Variants in ZNF469 observed in about 807,000 individuals in gnomAD.
The protein encoded by ZNF469 is zinc finger protein 469.
In ZNF469, 1 loss-of-function variant was observed where a neutral mutation model predicts 1.0. The ratio of observed to expected loss-of-function variants is 1.00; its 90% confidence interval spans 0.35 to 4.73. The LOEUF is 4.73. Among genes scored for constraint, ZNF469 ranks in the 30% most tolerant of loss-of-function variants. The probability of loss-of-function intolerance (pLI) is 0.16; values close to 1 mark genes in which losing one functional copy is unlikely to be tolerated. For missense variants in ZNF469, 6,100 were observed against 5,356.3 expected (o/e 1.14, Z -4.33); for synonymous variants, 2,703 against 2,363.4 (o/e 1.14, Z -4.17).
In ZNF469 at chr16:88,394,606, C is replaced by A. The variant is rs1904602145; in HGVS notation, c.-192+11352C>A. Among the ~76,000 whole-genome samples, 3 of 152,202 alleles carry A rather than the reference C, an allele frequency of 2.0e-5. No homozygotes were observed. In the South Asian group the frequency reaches 6.2e-4, roughly 31 times the overall value. The stretch of plus-strand genomic sequence containing the variant: ...TGTGAGGTGGGGCTGACACTCCCGG[C>A]CCCTCCCCAGGCCAGGCCTGGCATC... On this transcript the variant is annotated intron_variant, in intron 1 of 2. Coordinates refer to ENST00000565624, the MANE Select transcript of ZNF469 (RefSeq NM_001367624.2).
At chr16:88,208,268 A>C in the ZNF469 span, among the ~76,000 whole-genome samples, 1 of 151,770 alleles carries the variant, frequency 6.6e-6, no homozygotes, top group Non-Finnish European at 1.5e-5. Flanking sequence ...TCTCAAGCTC[A>C]TCTGCGCTTT....
chr16:88,430,634 T>G lies in ZNF469; in HGVS notation c.3164T>G (p.Val1055Gly). The G allele has an allele frequency of 6.7e-7, 1 of 1,498,376 alleles. No homozygotes were observed. Among genetic ancestry groups the G allele is most frequent in the Non-Finnish European group, 8.9e-7 (1 of 1,129,368 alleles). 92.8% of individuals were successfully genotyped at this position (1,498,376 alleles called of 1,614,324 possible). ...AWGKELILKIVQQKNRRHRRL... is the reference protein window; with the variant it reads ...AWGKELILKIGQQKNRRHRRL... ...GGCAAGGAGCTCATTCTGAAGATCG[T>G]GCAGCAGAAGAACAGGCGCCACCGG... Residue 1055 changes from valine (V) to glycine (G), a missense_variant, in exon 3 of 3, where the codon GTG becomes GGG. By Grantham distance (109) the Val-to-Gly change is moderately radical (BLOSUM62 -3). Coordinates refer to ENST00000565624, the MANE Select transcript of ZNF469 (RefSeq NM_001367624.2).
the ZNF469 span, among the ~76,000 whole-genome samples, chr16:88,147,534 G>A: frequency 6.6e-6 from 1 of 152,046 alleles, no homozygotes; most frequent in Non-Finnish European, 1.5e-5. Context: ...TCTGGTCGGT[G>A]CTGGGAGGAG....
At chr16:88,267,928 C>T in the ZNF469 span, among the ~76,000 whole-genome samples, 278 of 145,026 alleles carry the variant, frequency 1.9e-3, no homozygotes, top group African/African-American at 6.5e-3. Context: ...CTTTCCAAAG[C>T]GGCTGAGCCA....
At chr16:88,348,919 C>T in the ZNF469 span, among the ~76,000 whole-genome samples, 1 of 152,172 alleles carries the variant, frequency 6.6e-6, no homozygotes, top group African/African-American at 2.4e-5. Context: ...TGCACACAGC[C>T]GCTCTCCCGG....
At chr16:88,156,504 T>C in the ZNF469 span, among the ~76,000 whole-genome samples, 26 of 152,368 alleles carry the variant, frequency 1.7e-4, no homozygotes, top group East Asian at 5.0e-3. Flanking sequence ...CTTCATCAAA[T>C]AGTCTTGATG....
At chr16:88,305,567 C>G in the ZNF469 span, among the ~76,000 whole-genome samples, 23 of 150,344 alleles carry the variant, frequency 1.5e-4, no homozygotes, top group Non-Finnish European at 3.3e-4. Flanking sequence ...CTCACACGTG[C>G]ACACACGCTC....
intron 1 of ZNF469, among the ~76,000 whole-genome samples, chr16:88,388,758 G>A (rs145353831): frequency 0.022 from 3,361 of 152,102 alleles, 51 homozygotes; most frequent in South Asian, 0.034. Flanking sequence ...TGTAGAAGCC[G>A]GAGAGCCTGG....
chr16:88,103,015 G>A, the ZNF469 span, among the ~76,000 whole-genome samples: 4 of 152,372 alleles, frequency 2.6e-5, no homozygotes, highest in African/African-American at 4.8e-5. Flanking sequence ...TTTTGTTCTC[G>A]TGTTTTACGT....
rs150543090 is a variant in ZNF469 at position 88,432,776 on chromosome 16, C to T, written c.5306C>T (p.Pro1769Leu). ...QESEDSLRLL[P>L]CEQRGGFLPE... ...AGTGAAGACTCCCTGCGGCTGCTTC[C>T]CTGTGAACAGAGAGGAGGGTTCCTC... is the stretch of plus-strand genomic sequence containing the variant. Residue 1769 changes from proline to leucine, a missense_variant, in exon 3 of 3, where the codon CCC becomes CTC. Physicochemically the swap from Pro to Leu is moderately conservative, Grantham distance 98. Transcript: ENST00000565624. 1.5e-4 allele frequency: 228 copies of T among 1,550,422 alleles called. No individual in the cohort carries two copies. The East Asian group carries it at 5.4e-3, about 37-fold the overall frequency.
At chr16:88,403,644 G>A (rs1281620059) in intron 1 of ZNF469, among the ~76,000 whole-genome samples, 5 of 152,342 alleles carry the variant, frequency 3.3e-5, no homozygotes, top group East Asian at 1.9e-4. Flanking sequence ...TCCTGCCCTC[G>A]GCCCCCACAG....
chr16:88,438,412 A>AAG lies in ZNF469; in HGVS notation c.10943_10944dup (p.Glu3649ArgfsTer72), dbSNP rs1288227068. 6.5e-7 allele frequency: 1 copy of AAG among 1,549,962 alleles called. No homozygotes were observed. Among genetic ancestry groups the AAG allele is most frequent in the Non-Finnish European group, 8.7e-7 (1 of 1,146,840 alleles). ...GGAAGACCACCTACTTCAGAAAGAG[A>AAG]AGGAGGTGTCCTCAAGCCACATGGT... On this transcript the variant is annotated frameshift_variant, in exon 3 of 3. Transcript: ENST00000565624. LOFTEE classifies it low-confidence loss of function (END_TRUNC).
At chr16:88,349,491 A>G in the ZNF469 span, among the ~76,000 whole-genome samples, 1 of 148,650 alleles carries the variant, frequency 6.7e-6, no homozygotes, top group East Asian at 2.0e-4. Context: ...CACACCATAC[A>G]CAAGTACACA....
chr16:88,284,300 G>A, the ZNF469 span, among the ~76,000 whole-genome samples: 2 of 152,138 alleles, frequency 1.3e-5, no homozygotes, highest in Non-Finnish European at 2.9e-5. Flanking sequence ...AAAAATGGAC[G>A]CCAGGCTGGG....
At chr16:88,248,340 G>C in the ZNF469 span, among the ~76,000 whole-genome samples, 1 of 152,224 alleles carries the variant, frequency 6.6e-6, no homozygotes, top group Non-Finnish European at 1.5e-5. Context: ...CCGTGTCTTT[G>C]ATAAAAGCTG....
the ZNF469 span, among the ~76,000 whole-genome samples, chr16:88,170,837 C>T: frequency 7.9e-5 from 12 of 152,252 alleles, no homozygotes; most frequent in South Asian, 1.0e-3. The surrounding 1 kb of genome is among the most constrained non-coding windows in gnomAD (Gnocchi z 4.2). Context: ...GAGGAACCTG[C>T]ATACTTTCCT....
the ZNF469 span, among the ~76,000 whole-genome samples, chr16:88,344,361 G>A: frequency 2.0e-5 from 3 of 152,152 alleles, no homozygotes; most frequent in Admixed American, 6.5e-5. Flanking sequence ...AGATGTTAAC[G>A]GCAGGGGACC....
At chr16:88,157,285 G>A in the ZNF469 span, among the ~76,000 whole-genome samples, 1 of 152,148 alleles carries the variant, frequency 6.6e-6, no homozygotes, top group East Asian at 1.9e-4. Flanking sequence ...GGTGCCTGAT[G>A]GACTCAGTGG....
At chr16:88,307,023 T>A in the ZNF469 span, among the ~76,000 whole-genome samples, 2 of 152,152 alleles carry the variant, frequency 1.3e-5, no homozygotes, top group Non-Finnish European at 2.9e-5. Flanking sequence ...TCTACCCCGG[T>A]CCCTGGCAAC....
Sources: allele counts gnomAD v4.1 joint callset (sites outside exome capture counted in the v4.1 genomes callset), GRCh38; gene constraint gnomAD v4.1.1; non-coding constraint Gnocchi (gnomAD v3.1); transcripts MANE v1.5; gene names NCBI Gene and HGNC (gene_info 2026-07-23, HGNC 2026-07-21).